Variants in ATP8A2 observed in about 807,000 individuals in gnomAD.
ATP8A2 encodes the protein phospholipid-transporting ATPase IB.
Under a neutral mutation model 165.6 loss-of-function variants are expected in ATP8A2, and 100 were observed. That is an observed-to-expected ratio of 0.60 (90% CI 0.51 to 0.71). The LOEUF (loss-of-function observed/expected upper bound fraction) is 0.71. Among genes scored for constraint, ATP8A2 ranks in the 30% least tolerant of loss-of-function variants. ATP8A2 has a pLI of 0.00. For synonymous variants in ATP8A2, 543 were observed against 548.8 expected (o/e 0.99, Z 0.15); for missense variants, 1,227 against 1,479.5 (o/e 0.83, Z 2.80).
At chr13:25,447,430 G>A (rs919771739) in intron 1 of ATP8A2, among the ~76,000 whole-genome samples, 7 of 152,090 alleles carry the variant, frequency 4.6e-5, no homozygotes, top group African/African-American at 9.7e-5. Flanking sequence ...TGACCCCCTC[G>A]TGGGACTTGT....
intron 34 of ATP8A2, 63 bp downstream of exon 34, chr13:25,961,726 T>A: frequency 8.3e-7 from 1 of 1,201,158 alleles, no homozygotes; most frequent in Non-Finnish European, 1.2e-6. Flanking sequence ...ATTGTCTTTC[T>A]CATGAGTCCT....
chr13:25,694,047 TG>T (rs779826794), intron 24 of ATP8A2, among the ~76,000 whole-genome samples: 24 of 152,204 alleles, frequency 1.6e-4, no homozygotes, highest in Non-Finnish European at 3.1e-4. Flanking sequence ...TTGTATTTTT[TG>T]TATTTTTAGT....
intron 10 of ATP8A2, among the ~76,000 whole-genome samples, 157 bp downstream of exon 10, chr13:25,543,559 T>A (rs77057091): frequency 0.028 from 4,235 of 152,306 alleles, 108 homozygotes; most frequent in African/African-American, 0.063. Flanking sequence ...AGGTAGCTTT[T>A]TCTAGATTTC....
intron 35 of ATP8A2, among the ~76,000 whole-genome samples, chr13:26,011,868 G>A (rs1034855783): frequency 1.3e-4 from 20 of 152,128 alleles, no homozygotes; most frequent in African/African-American, 4.3e-4. Flanking sequence ...CCAGGAGTTC[G>A]AGGCTGCAGT....
At chr13:25,971,405 G>T (rs1362816641) in intron 35 of ATP8A2, among the ~76,000 whole-genome samples, 1 of 151,958 alleles carries the variant, frequency 6.6e-6, no homozygotes, top group Non-Finnish European at 1.5e-5. Context: ...CTTCAGCTCT[G>T]TCCTCCCTTC....
At chr13:25,931,700 G>A (rs1181995) in intron 33 of ATP8A2, among the ~76,000 whole-genome samples, 4,623 of 152,220 alleles carry the variant, frequency 0.03, 228 homozygotes, top group African/African-American at 0.11. Flanking sequence ...CTTGAAGCCC[G>A]TGGCCAACGT....
At chr13:25,606,608 C>CTTTT (rs1303797505) in intron 24 of ATP8A2, among the ~76,000 whole-genome samples, 1 of 152,064 alleles carries the variant, frequency 6.6e-6, no homozygotes, top group African/African-American at 2.4e-5. Context: ...ATATTCATTT[C>CTTTT]GTTATTCAGG....
At chr13:25,864,403 G>A (rs927470775) in intron 33 of ATP8A2, among the ~76,000 whole-genome samples, 5 of 152,112 alleles carry the variant, frequency 3.3e-5, no homozygotes, top group Non-Finnish European at 5.9e-5. Flanking sequence ...CACTCCCATC[G>A]AGATACCGAC....
At position 25,910,968 on chromosome 13, in the gene ATP8A2, C is replaced by T. The variant is rs193125926; in HGVS notation, c.3183+48560C>T. ...AGGAAGGGCTTCTTGTGATGCTCCT[C>T]TGTTATTTGGCGCAGGAACACAGAG... On this transcript the variant is annotated intron_variant, in intron 33 of 36. Coordinates refer to ENST00000381655, the MANE Select transcript of ATP8A2 (RefSeq NM_016529.6). 3.9e-3 allele frequency among the ~76,000 whole-genome samples: 577 copies of T among 148,390 alleles called. 4 individuals carry two copies. Among genetic ancestry groups the T allele is most frequent in the African/African-American group, 0.014 (561 of 40,348 alleles).
At chr13:25,453,344 T>C (rs1299799464) in intron 1 of ATP8A2, among the ~76,000 whole-genome samples, 2 of 152,012 alleles carry the variant, frequency 1.3e-5, no homozygotes, top group Non-Finnish European at 2.9e-5. Context: ...CAGACTGGTC[T>C]CGAACTCCTG....
intron 1 of ATP8A2, among the ~76,000 whole-genome samples, chr13:25,462,783 C>T (rs73170514): frequency 0.17 from 26,580 of 151,900 alleles, 2,638 homozygotes; most frequent in East Asian, 0.29. Context: ...CATGAGTCAT[C>T]ATCTTAGCAG....
At chr13:25,786,922 A>AT (rs1467670764) in intron 27 of ATP8A2, among the ~76,000 whole-genome samples, 2 of 152,000 alleles carry the variant, frequency 1.3e-5, no homozygotes, top group African/African-American at 4.8e-5. Context: ...TACCCGGCTA[A>AT]TTTTTTAAAA....
chr13:25,844,499 G>T (rs981874679), intron 30 of ATP8A2, among the ~76,000 whole-genome samples: 1 of 152,138 alleles, frequency 6.6e-6, no homozygotes, highest in African/African-American at 2.4e-5. Context: ...AAAGGGCTGG[G>T]ATTACAGGTG....
At chr13:25,826,497 G>A (rs538554047) in intron 27 of ATP8A2, among the ~76,000 whole-genome samples, 2 of 152,238 alleles carry the variant, frequency 1.3e-5, no homozygotes, top group East Asian at 3.9e-4. Context: ...GAGCAGCATG[G>A]GGAAGAATTC....
chr13:25,890,032 C>T (rs555217914), intron 33 of ATP8A2, among the ~76,000 whole-genome samples: 34 of 152,058 alleles, frequency 2.2e-4, no homozygotes, highest in African/African-American at 7.2e-4. Flanking sequence ...CGTGGTGGCA[C>T]GTGCCTGTAA....
chr13:25,669,912 A>G (rs917945761), intron 24 of ATP8A2, among the ~76,000 whole-genome samples: 1 of 152,146 alleles, frequency 6.6e-6, no homozygotes, highest in African/African-American at 2.4e-5. Flanking sequence ...GTCAAAATAC[A>G]TACCTGCAGT....
chr13:25,860,680 G>A (rs888223686), intron 31 of ATP8A2, 124 bp from the exon 32 acceptor site: 4 of 715,030 alleles, frequency 5.6e-6, no homozygotes, highest in African/African-American at 3.5e-5. Context: ...GACATGGCTG[G>A]TGCTTTCAAA....
intron 24 of ATP8A2, among the ~76,000 whole-genome samples, chr13:25,667,133 A>T (rs558877058): frequency 3.3e-5 from 5 of 152,292 alleles, no homozygotes; most frequent in African/African-American, 9.6e-5. Context: ...TGTATCCATT[A>T]AACAGTAACT....
At chr13:25,585,389 G>T (rs184551369) in intron 23 of ATP8A2, among the ~76,000 whole-genome samples, 1 of 152,116 alleles carries the variant, frequency 6.6e-6, no homozygotes, top group African/African-American at 2.4e-5. Flanking sequence ...TTCGCAGTCT[G>T]TAATTTTTTT....
Sources: allele counts gnomAD v4.1 joint callset (sites outside exome capture counted in the v4.1 genomes callset), GRCh38; gene constraint gnomAD v4.1.1; transcripts MANE v1.5; gene names NCBI Gene and HGNC (gene_info 2026-07-23, HGNC 2026-07-21).